Variants in PMEPA1 observed in about 807,000 individuals in gnomAD.
PMEPA1 encodes the protein prostate transmembrane protein, androgen induced 1, also known as protein TMEPAI.
PMEPA1 carries 11 observed loss-of-function variants against 23.0 expected under a neutral mutation model. That is an observed-to-expected ratio of 0.48 (90% confidence interval 0.30 to 0.79). The LOEUF is 0.79. Among genes scored for constraint, PMEPA1 ranks in the 30% least tolerant of loss-of-function variants. The pLI, the probability that PMEPA1 is intolerant of heterozygous loss-of-function variation, is 0.06. For synonymous variants in PMEPA1, 204 were observed against 166.4 expected (o/e 1.23, Z -1.74); for missense variants, 377 against 390.9 (o/e 0.96, Z 0.30).
intron 1 of PMEPA1, among the ~76,000 whole-genome samples, chr20:57,687,660 G>C (rs1405066446): frequency 6.6e-6 from 1 of 152,202 alleles, no homozygotes; most frequent in Non-Finnish European, 1.5e-5. Context: ...GAAAAGAAAG[G>C]ATAAAATACT....
chr20:57,659,976 G>A (rs773188386), intron 1 of PMEPA1, among the ~76,000 whole-genome samples: 6 of 152,188 alleles, frequency 3.9e-5, no homozygotes, highest in East Asian at 1.9e-4. Flanking sequence ...GGGACTGACC[G>A]GAAGGAGGTA....
chr20:57,664,265 G>A (rs1285147649), intron 1 of PMEPA1, among the ~76,000 whole-genome samples: 3 of 152,102 alleles, frequency 2.0e-5, no homozygotes, highest in South Asian at 2.1e-4. Context: ...TGACACTGTC[G>A]GTCCCCACCC....
chr20:57,691,371 G>C (rs959552485), intron 1 of PMEPA1, among the ~76,000 whole-genome samples: 6 of 152,150 alleles, frequency 3.9e-5, no homozygotes, highest in Admixed American at 3.9e-4. Context: ...GCTGCGCTAG[G>C]GGTTCTTGTG....
At chr20:57,654,941 C>G (rs573586703) in intron 2 of PMEPA1, among the ~76,000 whole-genome samples, 2 of 147,498 alleles carry the variant, frequency 1.4e-5, no homozygotes, top group Admixed American at 6.7e-5. Flanking sequence ...CTCCCTCATG[C>G]CCCCCACCCC....
chr20:57,675,567 G>A (rs1206118611), intron 1 of PMEPA1, among the ~76,000 whole-genome samples: 4 of 152,072 alleles, frequency 2.6e-5, no homozygotes, highest in East Asian at 2.0e-4. Context: ...TCCTTGCTAC[G>A]AGTGTTTTCC....
intron 1 of PMEPA1, chr20:57,700,054 A>G (rs1237475336): frequency 2.1e-6 from 1 of 471,118 alleles, no homozygotes; most frequent in Non-Finnish European, 4.4e-6. Flanking sequence ...AGGCAAATTC[A>G]TGGCTGGATT....
chr20:57,669,933 A>G (rs766652198), intron 1 of PMEPA1, among the ~76,000 whole-genome samples: 6 of 152,210 alleles, frequency 3.9e-5, no homozygotes, highest in African/African-American at 1.2e-4. Context: ...AGCTGCTCCC[A>G]TAACGAGGCT....
rs1325515667 is a variant in PMEPA1, at chr20:57,700,185, A to G, written c.109+9289T>C. The G allele has an allele frequency of 6.4e-6, 3 of 470,848 alleles. No individual in the cohort carries two copies. The Admixed American group carries it at 7.0e-5, about 11-fold the overall frequency. 29.2% of individuals were successfully genotyped at this position (470,848 alleles called of 1,614,324 possible). A position where few individuals can be genotyped will look rare whatever the true frequency, so the allele number is the denominator to read the frequency against. On this transcript the variant is annotated intron_variant, in intron 1 of 3. Transcript: ENST00000341744. Reference sequence around the variant, plus strand: ...ACTTGCATACTGGGAATCCATGACAACCTGTCAATGACAATAGAGGCTGAC... The same window carrying G: ...ACTTGCATACTGGGAATCCATGACAGCCTGTCAATGACAATAGAGGCTGAC...
At chr20:57,665,623 C>G (rs2071482024) in intron 1 of PMEPA1, among the ~76,000 whole-genome samples, 1 of 152,158 alleles carries the variant, frequency 6.6e-6, no homozygotes. Flanking sequence ...ATTACTGACA[C>G]TCCTCTGGGG....
rs76233037 is a variant in PMEPA1, at chr20:57,699,516, C to T, written c.109+9958G>A. 1.9e-4 allele frequency among the ~76,000 whole-genome samples: 29 copies of T among 152,288 alleles called. No individual in the cohort carries two copies. In the East Asian group the frequency reaches 3.1e-3, roughly 16 times the overall value. ...GCTATGTTAAAGAGCCCCAGGACCC[C>T]GCCACAGTCTCTCTCCCTGTGCAAC... On this transcript the variant is annotated intron_variant, in intron 1 of 3. Transcript: ENST00000341744.
chr20:57,667,347 A>T (rs1023857389), intron 1 of PMEPA1, among the ~76,000 whole-genome samples: 3 of 152,298 alleles, frequency 2.0e-5, no homozygotes, highest in Non-Finnish European at 4.4e-5. Flanking sequence ...GGGTCGCTGG[A>T]AAATTTGTTA....
chr20:57,661,034 C>CG (rs1403288605), intron 1 of PMEPA1, among the ~76,000 whole-genome samples: 1 of 152,174 alleles, frequency 6.6e-6, no homozygotes, highest in Middle Eastern at 3.2e-3. Flanking sequence ...CTCAACAGGA[C>CG]GGGGGTGTCA....
At chr20:57,697,512 T>C (rs1348937648) in intron 1 of PMEPA1, among the ~76,000 whole-genome samples, 1 of 152,224 alleles carries the variant, frequency 6.6e-6, no homozygotes, top group Non-Finnish European at 1.5e-5. Flanking sequence ...TCTCCTCCAG[T>C]GAACTTTCTC....
Position 57,704,173 on chromosome 20 carries a change from C to T in PMEPA1, c.109+5301G>A, listed in dbSNP as rs2072046859. Among the ~76,000 whole-genome samples the T allele has an allele frequency of 6.6e-6, 1 of 152,310 alleles. No individual in the cohort carries two copies. Among genetic ancestry groups the T allele is most frequent in the East Asian group, 1.9e-4 (1 of 5,190 alleles). ...ATGTCAAAATCTAACCATTCGGCTG[C>T]CCTGGAACGGAAAGATCTGGCCACT... On this transcript the variant is annotated intron_variant, in intron 1 of 3. Coordinates refer to ENST00000341744, the MANE Select transcript of PMEPA1 (RefSeq NM_020182.5). This position sits in a 1 kb window ranked among gnomAD's most constrained non-coding sequence, Gnocchi z 4.6.
In PMEPA1 at chr20:57,701,923, C is replaced by T. The variant is rs549426184; in HGVS notation, c.109+7551G>A. Reference sequence around the variant, plus strand: ...GCTTGGTGCCTGGAGGGAAAGCAGACATGGCACAGCTAATGACACAAAGAT... The same window carrying T: ...GCTTGGTGCCTGGAGGGAAAGCAGATATGGCACAGCTAATGACACAAAGAT... On this transcript the variant is annotated intron_variant, in intron 1 of 3. Coordinates refer to ENST00000341744, the MANE Select transcript of PMEPA1 (RefSeq NM_020182.5). Among the ~76,000 whole-genome samples the T allele has an allele frequency of 2.0e-3, 301 of 152,250 alleles. 2 individuals carry two copies. Among genetic ancestry groups the T allele is most frequent in the Non-Finnish European group, 3.7e-3 (252 of 68,012 alleles).
chr20:57,664,635 C>T, intron 1 of PMEPA1, among the ~76,000 whole-genome samples: 1 of 152,196 alleles, frequency 6.6e-6, no homozygotes, highest in East Asian at 1.9e-4. Flanking sequence ...GCCGGACTCT[C>T]AGGATCAGAT....
chr20:57,675,361 T>A (rs910331212), intron 1 of PMEPA1, among the ~76,000 whole-genome samples: 2 of 152,002 alleles, frequency 1.3e-5, no homozygotes, highest in African/African-American at 4.8e-5. Flanking sequence ...TGCCTTCACC[T>A]CCTCCGACCT....
At chr20:57,677,394 G>A (rs1421275016) in intron 1 of PMEPA1, among the ~76,000 whole-genome samples, 1 of 152,168 alleles carries the variant, frequency 6.6e-6, no homozygotes, top group African/African-American at 2.4e-5. Flanking sequence ...GTGCTTGCTT[G>A]TTCATTGTCA....
At chr20:57,691,263 G>A (rs1239355343) in intron 1 of PMEPA1, among the ~76,000 whole-genome samples, 1 of 152,210 alleles carries the variant, frequency 6.6e-6, no homozygotes, top group East Asian at 1.9e-4. Context: ...GTGCAAAATG[G>A]CAAATGCCAC....
Sources: gnomAD v4.1 joint callset for allele counts (sites outside exome capture counted in the v4.1 genomes callset) on GRCh38, gnomAD v4.1.1 for gene constraint, Gnocchi (gnomAD v3.1) non-coding constraint, MANE v1.5 for transcripts, NCBI Gene and HGNC (gene_info 2026-07-23, HGNC 2026-07-21) for gene names.